ZNF385B: variants seen among roughly 807,000 people sequenced by gnomAD.
The protein encoded by ZNF385B is zinc finger protein 533.
In ZNF385B, 23 loss-of-function variants were observed where a neutral mutation model predicts 39.2. That is an observed-to-expected ratio of 0.59 (90% CI 0.42 to 0.83). The LOEUF (loss-of-function observed/expected upper bound fraction) is 0.83, where lower values mean the gene tolerates loss of function less well. Among genes scored for constraint, ZNF385B ranks in the 40% least tolerant of loss-of-function variants. The probability of loss-of-function intolerance (pLI) is 0.00; values close to 1 mark genes in which losing one functional copy is unlikely to be tolerated. For synonymous variants in ZNF385B, 205 were observed against 222.6 expected (o/e 0.92, Z 0.70); for missense variants, 552 against 598.9 (o/e 0.92, Z 0.82).
intron 3 of ZNF385B, among the ~76,000 whole-genome samples, chr2:179,762,381 G>A (rs143672207): frequency 5.3e-5 from 8 of 152,062 alleles, no homozygotes; most frequent in Non-Finnish European, 7.4e-5. Flanking sequence ...TAGTAGAGAC[G>A]GGGTTTTGCC....
In ZNF385B at chr2:179,705,191, C is replaced by T. The variant is rs963884685; in HGVS notation, c.298+64312G>A. ...CAAAGGAAGCCTAGATCTCTGAAGG[C>T]ATTGCTCTCCTGGGCCCCTCTCAAT... On this transcript the variant is annotated intron_variant, in intron 3 of 9. Coordinates refer to ENST00000410066, the MANE Select transcript of ZNF385B (RefSeq NM_152520.6). Among the ~76,000 whole-genome samples, 6 of 152,150 alleles carry T rather than the reference C, an allele frequency of 3.9e-5. No homozygotes were observed. In the South Asian group the frequency reaches 1.2e-3, roughly 32 times the overall value.
intron 3 of ZNF385B, among the ~76,000 whole-genome samples, chr2:179,606,691 G>A (rs1350983128): frequency 6.6e-6 from 1 of 152,070 alleles, no homozygotes; most frequent in East Asian, 1.9e-4. Context: ...TAAAAATAAT[G>A]GAAGAGTTCC....
chr2:179,469,525 A>C (rs1191047295), intron 6 of ZNF385B, among the ~76,000 whole-genome samples: 1 of 152,138 alleles, frequency 6.6e-6, no homozygotes, highest in East Asian at 1.9e-4. Flanking sequence ...CGAAGGGACT[A>C]CACTATTAAG....
chr2:179,566,914 C>CTTTTTTTTTT (rs372093398), intron 3 of ZNF385B, among the ~76,000 whole-genome samples: 40 of 131,562 alleles, frequency 3.0e-4, no homozygotes, highest in African/African-American at 4.8e-4. Flanking sequence ...CTTTTCTTTT[C>CTTTTTTTTTT]TTTTTTTTTT....
At chr2:179,814,856 T>C (rs889884796) in intron 1 of ZNF385B, among the ~76,000 whole-genome samples, 3 of 152,176 alleles carry the variant, frequency 2.0e-5, no homozygotes, top group Admixed American at 2.0e-4. Flanking sequence ...ATAATAACAC[T>C]GATGTTAACT....
At chr2:179,688,527 A>AAC (rs1217952172) in intron 3 of ZNF385B, among the ~76,000 whole-genome samples, 2 of 152,012 alleles carry the variant, frequency 1.3e-5, no homozygotes. Context: ...CAAAAACAGA[A>AAC]AGAAAGAAGA....
chr2:179,795,100 G>T (rs1192513690), intron 1 of ZNF385B, among the ~76,000 whole-genome samples: 2 of 152,142 alleles, frequency 1.3e-5, no homozygotes, highest in Non-Finnish European at 2.9e-5. Context: ...AAAAATTTGA[G>T]TGACTTTGAA....
chr2:179,813,376 G>A (rs953587963), intron 1 of ZNF385B, among the ~76,000 whole-genome samples: 3 of 151,984 alleles, frequency 2.0e-5, no homozygotes, highest in Non-Finnish European at 2.9e-5. Context: ...ATTTTAAATT[G>A]GTCATTTGAC....
At chr2:179,583,830 G>A (rs1346409547) in intron 3 of ZNF385B, 4 of 1,146,966 alleles carry the variant, frequency 3.5e-6, no homozygotes, top group Non-Finnish European at 4.6e-6. Flanking sequence ...AGTGGAACTG[G>A]CAGCAGGGCC....
At chr2:179,783,186 C>T (rs1249103973) in intron 1 of ZNF385B, among the ~76,000 whole-genome samples, 2 of 152,142 alleles carry the variant, frequency 1.3e-5, no homozygotes, top group Non-Finnish European at 2.9e-5. Flanking sequence ...CGTACACCTA[C>T]AACCATCTGA....
At chr2:179,795,156 GA>G (rs1705579215) in intron 1 of ZNF385B, among the ~76,000 whole-genome samples, 1 of 152,082 alleles carries the variant, frequency 6.6e-6, no homozygotes, top group Non-Finnish European at 1.5e-5. Flanking sequence ...AAAAAGAAAA[GA>G]GGGGTAACTA....
At chr2:179,725,850 TATATC>T (rs1236015887) in intron 3 of ZNF385B, among the ~76,000 whole-genome samples, 10 of 150,072 alleles carry the variant, frequency 6.7e-5, no homozygotes, top group Non-Finnish European at 1.2e-4. Flanking sequence ...CATATATACA[TATATC>T]ATATATCTCA....
chr2:179,584,067 A>C (rs1425307287), intron 3 of ZNF385B: 1 of 592,960 alleles, frequency 1.7e-6, no homozygotes, highest in Admixed American at 2.5e-5. Context: ...CTTATAGTCT[A>C]CTGGGAGAAA....
chr2:179,715,785 A>G (rs1212801224), intron 3 of ZNF385B, among the ~76,000 whole-genome samples: 3 of 152,172 alleles, frequency 2.0e-5, no homozygotes, highest in African/African-American at 7.2e-5. Context: ...AATAAATATT[A>G]AGTTTTACTT....
At chr2:179,531,574 G>T (rs2059255007) in intron 4 of ZNF385B, among the ~76,000 whole-genome samples, 1 of 152,096 alleles carries the variant, frequency 6.6e-6, no homozygotes, top group Non-Finnish European at 1.5e-5. Context: ...AGGTTCAAGT[G>T]CAGTGAGCCG....
chr2:179,700,952 G>A (rs1699148985), intron 3 of ZNF385B, among the ~76,000 whole-genome samples: 1 of 152,210 alleles, frequency 6.6e-6, no homozygotes, highest in South Asian at 2.1e-4. Context: ...GGCGGAGCTT[G>A]CAGTGAGCCG....
chr2:179,599,259 C>A (rs1219575436), intron 3 of ZNF385B, among the ~76,000 whole-genome samples: 2 of 152,172 alleles, frequency 1.3e-5, no homozygotes, highest in Admixed American at 6.6e-5. Flanking sequence ...GAATATCAGA[C>A]CCAGATCTTC....
intron 3 of ZNF385B, among the ~76,000 whole-genome samples, chr2:179,767,431 G>A (rs1199260206): frequency 6.6e-6 from 1 of 152,170 alleles, no homozygotes; most frequent in African/African-American, 2.4e-5. Flanking sequence ...CTAAGTTCTA[G>A]AGTCCATCTA....
intron 3 of ZNF385B, among the ~76,000 whole-genome samples, chr2:179,627,648 G>C (rs1032734579): frequency 6.6e-6 from 1 of 152,170 alleles, no homozygotes; most frequent in Non-Finnish European, 1.5e-5. Flanking sequence ...TCAATAGCTT[G>C]AAATCAGCCT....
Sources: gnomAD v4.1 joint callset for allele counts (sites outside exome capture counted in the v4.1 genomes callset) on GRCh38, gnomAD v4.1.1 for gene constraint, MANE v1.5 for transcripts, NCBI Gene and HGNC (gene_info 2026-07-23, HGNC 2026-07-21) for gene names.